The following TGM3 variants were observed in gnomAD, a reference collection of about 807,000 sequenced individuals.
TGM3 encodes the protein protein-glutamine gamma-glutamyltransferase E.
A neutral mutation model predicts 73.8 loss-of-function variants in TGM3; 52 were observed. The observed-to-expected ratio is 0.70, with a 90% CI of 0.56 to 0.89. TGM3 has a LOEUF of 0.89. TGM3 is among the 40% of genes least tolerant of loss of function. The probability of loss-of-function intolerance (pLI) is 0.00; values close to 1 mark genes in which losing one functional copy is unlikely to be tolerated. For synonymous variants in TGM3, 372 were observed against 354.9 expected (o/e 1.05, Z -0.54); for missense variants, 928 against 909.9 (o/e 1.02, Z -0.26).
At chr20:2,320,537 A>G (rs2084256868) in intron 7 of TGM3, among the ~76,000 whole-genome samples, 1 of 152,214 alleles carries the variant, frequency 6.6e-6, no homozygotes, top group Non-Finnish European at 1.5e-5. Flanking sequence ...CTTGTAAAAC[A>G]AAGGGCCAGA....
In TGM3 at chr20:2,302,586, C is replaced by A. The variant is rs374238338; in HGVS notation, c.7+6516C>A. On this transcript the variant is annotated intron_variant, in intron 1 of 12. Transcript: ENST00000381458. ...TCCACCATCGCTAGGGTACGTATGG[C>A]CCTGCATGGTCTAAGATGTCCGCTA... 5.3e-5 allele frequency among the ~76,000 whole-genome samples: 8 copies of A among 152,184 alleles called. No individual in the cohort carries two copies. The East Asian group carries it at 1.5e-3, about 29-fold the overall frequency.
intron 7 of TGM3, among the ~76,000 whole-genome samples, chr20:2,318,697 G>A (rs554790668): frequency 2.0e-4 from 31 of 152,210 alleles, no homozygotes; most frequent in South Asian, 6.2e-4. Context: ...CTAGATAATC[G>A]TATGACAGAT....
intron 1 of TGM3, among the ~76,000 whole-genome samples, chr20:2,303,504 T>C (rs964546192): frequency 1.2e-4 from 19 of 152,100 alleles, no homozygotes; most frequent in Admixed American, 3.9e-4. Context: ...GTGTACTAAA[T>C]GCCCCTGAAT....
chr20:2,322,348 G>A lies in TGM3; in HGVS notation c.984-3501G>A, dbSNP rs151281684. Reference sequence around the variant, plus strand: ...ATTTTCCAAGGCATGAGTAGAAGACGGAGCATATAATAGACACATCCCACT... The same window carrying A: ...ATTTTCCAAGGCATGAGTAGAAGACAGAGCATATAATAGACACATCCCACT... On this transcript the variant is annotated intron_variant, in intron 7 of 12. Coordinates refer to ENST00000381458, the MANE Select transcript of TGM3 (RefSeq NM_003245.4). Among the ~76,000 whole-genome samples the A allele has an allele frequency of 5.5e-3, 829 of 152,072 alleles. 11 individuals are homozygous for A. Among genetic ancestry groups the A allele is most frequent in the African/African-American group, 0.018 (740 of 41,454 alleles).
intron 7 of TGM3, among the ~76,000 whole-genome samples, chr20:2,320,881 C>G (rs2084259101): frequency 6.6e-6 from 1 of 152,092 alleles, no homozygotes; most frequent in Non-Finnish European, 1.5e-5. Context: ...GGCTTGATCC[C>G]CCAATTTCTA....
chr20:2,316,553 C>G (rs747073677), intron 5 of TGM3, among the ~76,000 whole-genome samples: 3 of 151,506 alleles, frequency 2.0e-5, no homozygotes, highest in Non-Finnish European at 2.9e-5. Context: ...CAGAGAGAGA[C>G]TCTGTATCAG....
rs143919186 is a variant in TGM3 at position 2,304,338 on chromosome 20, C to T, written c.8-5319C>T. Among the ~76,000 whole-genome samples the T allele has an allele frequency of 7.2e-5, 11 of 152,322 alleles. No homozygotes were observed. The East Asian group carries it at 1.6e-3, about 21-fold the overall frequency. ...AGCCAGTGAAGGGTTCAGAACCACA[C>T]TGGAAGCTTGATGAGCACGCTCTCA... On this transcript the variant is annotated intron_variant, in intron 1 of 12. Coordinates refer to ENST00000381458, the MANE Select transcript of TGM3 (RefSeq NM_003245.4).
In TGM3 at chr20:2,311,074, T is replaced by C; in HGVS notation, c.485T>C (p.Ile162Thr). 6.2e-7 allele frequency: 1 copy of C among 1,614,162 alleles called. No homozygotes were observed. The highest frequency in any genetic ancestry group is 8.5e-7 in the Non-Finnish European group (1 of 1,180,012). ...GAGTATGTTCAGGAAGATGCCGGCA[T>C]CATCTTTGTGGGAAGCACAAACCGA... is the stretch of plus-strand genomic sequence containing the variant. ...REEYVQEDAG[I>T]IFVGSTNRIG... Residue 162 changes from isoleucine (I) to threonine (T), a missense_variant, in exon 4 of 13, where the codon ATC (isoleucine) becomes ACC (threonine). Ile to Thr is a moderately conservative substitution (Grantham distance 89, BLOSUM62 -1). Coordinates refer to ENST00000381458, the MANE Select transcript of TGM3 (RefSeq NM_003245.4).
At chr20:2,312,760 C>T in intron 4 of TGM3, 138 bp from the exon 5 acceptor site, 3 of 1,245,102 alleles carry the variant, frequency 2.4e-6, no homozygotes, top group African/African-American at 1.5e-5. Flanking sequence ...GGTGGCTGTC[C>T]TCAGTAGCTC....
At chr20:2,336,373 C>A (rs1044983045) in intron 11 of TGM3, among the ~76,000 whole-genome samples, 1 of 152,152 alleles carries the variant, frequency 6.6e-6, no homozygotes, top group East Asian at 1.9e-4. Context: ...CCTGCCCTCT[C>A]TCATCTGCTG....
At chr20:2,320,657 A>G (rs892134091) in intron 7 of TGM3, among the ~76,000 whole-genome samples, 1 of 152,126 alleles carries the variant, frequency 6.6e-6, no homozygotes, top group African/African-American at 2.4e-5. Flanking sequence ...GGTTTGGCTT[A>G]AGAGTCACGC....
chr20:2,330,677 T>C (rs980236261), intron 9 of TGM3, among the ~76,000 whole-genome samples: 2 of 152,176 alleles, frequency 1.3e-5, no homozygotes, highest in Non-Finnish European at 2.9e-5. Context: ...ATGTAATTTA[T>C]GGGAAGGGGC....
At chr20:2,301,783 C>G (rs986316136) in intron 1 of TGM3, among the ~76,000 whole-genome samples, 5 of 152,070 alleles carry the variant, frequency 3.3e-5, no homozygotes, top group Admixed American at 1.3e-4. Flanking sequence ...CCACTGCAAC[C>G]TCCACCTCCC....
Position 2,325,948 on chromosome 20 carries a change from C to T in TGM3, c.1083C>T (p.Ser361=), listed in dbSNP as rs141727243. 4.0e-5 allele frequency: 64 copies of T among 1,590,350 alleles called. No homozygotes were observed. The highest frequency in any genetic ancestry group is 5.2e-5 in the Non-Finnish European group (61 of 1,167,050). Residue 361 remains serine, a synonymous_variant, in exon 8 of 13, where the codon AGC becomes AGT. Coordinates refer to ENST00000381458, the MANE Select transcript of TGM3 (RefSeq NM_003245.4). Reference sequence around the variant, plus strand: ...TGGATGCTACCCCGCAGGAAAGAAGCCAAGGTAACTTCTCTGGGTGTGGTT... The same window carrying T: ...TGGATGCTACCCCGCAGGAAAGAAGTCAAGGTAACTTCTCTGGGTGTGGTT... The part of the protein sequence containing the change: ...QVLDATPQER[S]QGVFQCGPAS...
At chr20:2,321,092 C>G (rs764669735) in intron 7 of TGM3, among the ~76,000 whole-genome samples, 17 of 152,202 alleles carry the variant, frequency 1.1e-4, no homozygotes, top group Non-Finnish European at 1.9e-4. Context: ...TAATCCTGAA[C>G]TGGCTCCTAG....
At position 2,339,780 on chromosome 20, in the gene TGM3, G is replaced by A. The variant is rs542657050; in HGVS notation, c.1801-74G>A. On this transcript the variant is annotated intron_variant, in intron 11 of 12. Transcript: ENST00000381458. The stretch of plus-strand genomic sequence containing the variant: ...ATCACCCCCTTCACTCAGTCACCCT[G>A]CCCAGCCCTCACCAAGGTGCAGGCA... 3 of 1,599,290 alleles carry A rather than the reference G, an allele frequency of 1.9e-6. No individual in the cohort carries two copies. In the South Asian group the frequency reaches 3.3e-5, roughly 18 times the overall value.
In TGM3 at chr20:2,340,948, GC is replaced by G; in HGVS notation, c.*368del. 2.1e-6 allele frequency: 1 copy of G among 472,324 alleles called. No homozygotes were observed. Among genetic ancestry groups the G allele is most frequent in the Non-Finnish European group, 4.2e-6 (1 of 237,948 alleles). The allele number at this position is 472,324 out of a possible 1,614,324, so 29.3% of individuals were successfully genotyped here. A position where few individuals can be genotyped will look rare whatever the true frequency, so the allele number is the denominator to read the frequency against. ...GGAGAGAAGCTGGTCTAGACTGTTTGCTGATCCCCAACCTGCACGGGGCATT... is the reference window on the plus strand; with the variant it reads ...GGAGAGAAGCTGGTCTAGACTGTTTGTGATCCCCAACCTGCACGGGGCATT... On this transcript the variant is annotated 3_prime_UTR_variant, in exon 13 of 13. Coordinates refer to ENST00000381458, the MANE Select transcript of TGM3 (RefSeq NM_003245.4).
intron 8 of TGM3, 44 bp downstream of exon 8, chr20:2,325,996 A>C (rs180916668): frequency 6.5e-7 from 1 of 1,545,880 alleles, no homozygotes; most frequent in South Asian, 1.2e-5. Flanking sequence ...CCTCACAGTT[A>C]TTTACAGCCA....
At chr20:2,299,586 T>C (rs556054289) in intron 1 of TGM3, among the ~76,000 whole-genome samples, 70 of 152,336 alleles carry the variant, frequency 4.6e-4, no homozygotes, top group African/African-American at 1.6e-3. Flanking sequence ...AGCTGAGAGA[T>C]GGGAGTCAGA....
Sources: gnomAD v4.1 joint callset for allele counts (sites outside exome capture counted in the v4.1 genomes callset) on GRCh38, gnomAD v4.1.1 for gene constraint, MANE v1.5 for transcripts, NCBI Gene and HGNC (gene_info 2026-07-23, HGNC 2026-07-21) for gene names.